Variants in ZNF665 observed in about 807,000 individuals in gnomAD.
ZNF665 encodes zinc finger protein 665.
Under a neutral mutation model 7.9 loss-of-function variants are expected in ZNF665, and 6 were observed. The observed-to-expected ratio is 0.76, with a 90% confidence interval of 0.42 to 1.50. The LOEUF (loss-of-function observed/expected upper bound fraction) is 1.50. ZNF665 is among the 40% of genes most tolerant of loss of function. The pLI is 0.01. For synonymous variants in ZNF665, 242 were observed against 274.5 expected, an observed-to-expected ratio of 0.88 and a Z score of 1.17; for missense variants, 819 against 806.7, an observed-to-expected ratio of 1.02 and a Z score of -0.18.
At chr19:53,182,328 G>A (rs2090744107) in intron 2 of ZNF665, 2 of 217,258 alleles carry the variant, frequency 9.2e-6, no homozygotes, top group South Asian at 7.5e-5. Context: ...CTGAGATCGC[G>A]TCACTGCACT....
chr19:53,183,077 T>C lies in ZNF665; in HGVS notation c.-45-134A>G, dbSNP rs965460010. 6.2e-6 allele frequency: 6 copies of C among 971,582 alleles called. No homozygotes were observed. In the South Asian group the frequency reaches 6.7e-5, roughly 11 times the overall value. The allele number at this position is 971,582 out of a possible 1,614,324, so 60.2% of individuals were successfully genotyped here. A position where few individuals can be genotyped will look rare whatever the true frequency, so the allele number is the denominator to read the frequency against. ...GGGAAGACCTTATACACAGGGAAGA[T>C]GGTCCTCTGCTGCCCACTGCACCAG... On this transcript the variant is annotated intron_variant, in intron 1 of 3. Transcript: ENST00000396424.
intron 1 of ZNF665, among the ~76,000 whole-genome samples, chr19:53,185,437 T>C (rs2090771014): frequency 6.6e-6 from 1 of 152,090 alleles, no homozygotes; most frequent in African/African-American, 2.4e-5. Flanking sequence ...TAGGCTATGA[T>C]TACAGAGGGA....
rs368975201 is a variant in ZNF665 at position 53,165,989 on chromosome 19, A to G, written c.501T>C (p.Val167=). ...HEGKIYEYNQ[V]EKSPNNRGKH... ...TTCCTCGATTATTAGGAGACTTCTC[A>G]ACTTGATTGTATTCATAAATTTTCC... Residue 167 remains valine (V), a synonymous_variant, in exon 4 of 4, where the codon GTT becomes GTC. Transcript: ENST00000396424. 1 of 1,613,702 alleles carries G rather than the reference A, an allele frequency of 6.2e-7. No homozygotes were observed. The highest frequency in any genetic ancestry group is 8.5e-7 in the Non-Finnish European group (1 of 1,179,772).
At chr19:53,185,246 C>G (rs1311095836) in intron 1 of ZNF665, among the ~76,000 whole-genome samples, 1 of 151,928 alleles carries the variant, frequency 6.6e-6, no homozygotes, top group African/African-American at 2.4e-5. Flanking sequence ...TTGCCACTTA[C>G]GCTACCGCTA....
chr19:53,173,673 T>A (rs2090675796), intron 3 of ZNF665, among the ~76,000 whole-genome samples: 2 of 152,026 alleles, frequency 1.3e-5, no homozygotes, highest in African/African-American at 4.8e-5. Context: ...GCATCTAGCA[T>A]TTTTTACTCT....
intron 1 of ZNF665, among the ~76,000 whole-genome samples, chr19:53,185,647 A>G (rs536753667): frequency 6.6e-6 from 1 of 152,096 alleles, no homozygotes; most frequent in African/African-American, 2.4e-5. Context: ...GACAGGAACC[A>G]AGAAGCTCAG....
chr19:53,189,051 C>CTGTG (rs60689265), intron 1 of ZNF665, among the ~76,000 whole-genome samples: 1,502 of 137,726 alleles, frequency 0.011, 29 homozygotes, highest in African/African-American at 0.033. Context: ...GCTTTATTTT[C>CTGTG]TGTGTGTGTG....
Position 53,175,466 on chromosome 19 carries a change from A to C in ZNF665, c.121T>G (p.Tyr41Asp). Residue 41 changes from tyrosine to aspartate, a missense_variant, in exon 3 of 4, where the codon TAT becomes GAT. Coordinates refer to ENST00000396424, the MANE Select transcript of ZNF665 (RefSeq NM_024733.5). ...TCACCCAGGGAGACCAGGTTCCTAT[A>C]ATTCTCCAACATGACGTCCCTGTAC... Reference protein sequence around the residue: ...TLYRDVMLENYRNLVSLDISC... With the variant: ...TLYRDVMLENDRNLVSLDISC... 6.2e-7 allele frequency: 1 copy of C among 1,612,230 alleles called. No homozygotes were observed. Among genetic ancestry groups the C allele is most frequent in the Non-Finnish European group, 8.5e-7 (1 of 1,179,332 alleles).
intron 3 of ZNF665, among the ~76,000 whole-genome samples, chr19:53,167,571 C>T (rs1464729971): frequency 2.0e-5 from 3 of 150,846 alleles, no homozygotes; most frequent in African/African-American, 7.3e-5. Flanking sequence ...CTCAGCCTCC[C>T]GAGTAGCTGG....
At position 53,166,344 on chromosome 19, in the gene ZNF665, A is replaced by T; in HGVS notation, c.146T>A (p.Ile49Asn). The change falls in exon 4 of 4, where the codon ATC becomes AAC. Residue 49 changes from isoleucine to asparagine, a missense_variant. By Grantham distance (149) the Ile-to-Asn change is moderately radical (BLOSUM62 -3). Transcript: ENST00000396424. ...ENYRNLVSLD[I>N]SCKCVNTDLP... Reference sequence around the variant, plus strand: ...ATCCGTGTTTACACATTTACAAGAGATATCTGTAAGATATAAACAACCATA... The same window carrying T: ...ATCCGTGTTTACACATTTACAAGAGTTATCTGTAAGATATAAACAACCATA... 1 of 1,564,268 alleles carries T rather than the reference A, an allele frequency of 6.4e-7. No individual in the cohort carries two copies. The highest frequency in any genetic ancestry group is 1.2e-5 in the South Asian group (1 of 81,990).
At chr19:53,170,244 G>A (rs1008722783) in intron 3 of ZNF665, among the ~76,000 whole-genome samples, 8 of 152,032 alleles carry the variant, frequency 5.3e-5, no homozygotes, top group African/African-American at 1.9e-4. Context: ...TGTGAGGAAT[G>A]GAATATAACT....
chr19:53,172,684 G>T (rs1251727432), intron 3 of ZNF665, among the ~76,000 whole-genome samples: 1 of 151,992 alleles, frequency 6.6e-6, no homozygotes, highest in Admixed American at 6.6e-5. Context: ...AATTAGTCAG[G>T]CGTGGTGGTG....
In ZNF665 at chr19:53,166,243, T is replaced by C. The variant is rs1042079616; in HGVS notation, c.247A>G (p.Thr83Ala). ...VKLERLESCD[T>A]VGLSFQEVQK... is the part of the protein sequence containing the mutation. The stretch of plus-strand genomic sequence containing the variant: ...ACTTCCTGGAAGGACAAGCCTACAG[T>C]GTCACAGCTTTCAAGTCTCTCCAAC... The change falls in exon 4 of 4, where the codon ACT becomes GCT. Residue 83 changes from threonine to alanine, a missense_variant. By Grantham distance (58) the Thr-to-Ala change is moderately conservative (BLOSUM62 0). Coordinates refer to ENST00000396424, the MANE Select transcript of ZNF665 (RefSeq NM_024733.5). 18 of 1,613,866 alleles carry C rather than the reference T, an allele frequency of 1.1e-5. No homozygotes were observed. The highest frequency in any genetic ancestry group is 1.0e-4 in the Admixed American group (6 of 59,994).
intron 3 of ZNF665, among the ~76,000 whole-genome samples, chr19:53,174,979 GAA>G (rs61156701): frequency 1.4e-5 from 2 of 138,490 alleles, no homozygotes; most frequent in African/African-American, 2.7e-5. Flanking sequence ...AAGAAAGAAA[GAA>G]AAAAAAAAAG....
rs750119025 is a variant in ZNF665, at chr19:53,165,315, T to C, written c.1175A>G (p.His392Arg). ...CTTTTCTCCGGTATGGATGATCTGA[T>C]GCTTAGTTAAGTTTGAATGCATACT... ...AFSMHSNLTK[H>R]QIIHTGEKPF... Residue 392 changes from histidine to arginine, a missense_variant, in exon 4 of 4, where the codon CAT (histidine) becomes CGT (arginine). By Grantham distance (29) the His-to-Arg change is conservative (BLOSUM62 0). Transcript: ENST00000396424. 1 of 1,613,494 alleles carries C rather than the reference T, an allele frequency of 6.2e-7. No homozygotes were observed. The highest frequency in any genetic ancestry group is 1.3e-5 in the African/African-American group (1 of 74,980).
intron 3 of ZNF665, among the ~76,000 whole-genome samples, chr19:53,166,767 C>T (rs769221221): frequency 1.3e-5 from 2 of 152,058 alleles, no homozygotes; most frequent in African/African-American, 4.8e-5. Flanking sequence ...ACATGATATA[C>T]TCTAATGGCA....
At chr19:53,177,023 G>A (rs775485899) in intron 2 of ZNF665, among the ~76,000 whole-genome samples, 2 of 152,152 alleles carry the variant, frequency 1.3e-5, no homozygotes, top group Non-Finnish European at 2.9e-5. Context: ...GGAAGCTGAA[G>A]CCGGAGAATC....
chr19:53,170,245 G>C (rs577140259), intron 3 of ZNF665, among the ~76,000 whole-genome samples: 5 of 152,204 alleles, frequency 3.3e-5, no homozygotes, highest in African/African-American at 1.2e-4. Flanking sequence ...GTGAGGAATG[G>C]AATATAACTT....
At position 53,177,936 on chromosome 19, in the gene ZNF665, C is replaced by A. The variant is rs76427513; in HGVS notation, c.16-2365G>T. 4.9e-3 allele frequency among the ~76,000 whole-genome samples: 742 copies of A among 152,274 alleles called. 7 individuals are homozygous for A. The highest frequency in any genetic ancestry group is 0.016 in the African/African-American group (666 of 41,554). ...GGTCAAAGGACTAAAAATGACAGAG[C>A]AAGTACCTGTACCCAGGTGTCTAGG... On this transcript the variant is annotated intron_variant, in intron 2 of 3. Transcript: ENST00000396424.
Sources: gnomAD v4.1 joint callset for allele counts (sites outside exome capture counted in the v4.1 genomes callset) on GRCh38, gnomAD v4.1.1 for gene constraint, MANE v1.5 for transcripts, NCBI Gene and HGNC (gene_info 2026-07-23, HGNC 2026-07-21) for gene names.